PTPRD: variants seen among roughly 807,000 people sequenced by gnomAD.
The protein encoded by PTPRD is receptor-type tyrosine-protein phosphatase delta.
In PTPRD, 34 loss-of-function variants were observed where a neutral mutation model predicts 214.5. That is an observed-to-expected ratio of 0.16 (90% CI 0.12 to 0.21). The LOEUF (loss-of-function observed/expected upper bound fraction) is 0.21, where lower values mean the gene tolerates loss of function less well. Ranked by LOEUF, PTPRD falls within the 10% of genes least tolerant of loss-of-function variation. The pLI is 1.00. For synonymous variants in PTPRD, 1,128 were observed against 845.7 expected (o/e 1.33, Z -5.79); for missense variants, 2,545 against 2,398.7 (o/e 1.06, Z -1.27).
At chr9:10,252,666 T>C (rs2154370213) in intron 3 of PTPRD, among the ~76,000 whole-genome samples, 1 of 152,308 alleles carries the variant, frequency 6.6e-6, no homozygotes, top group East Asian at 1.9e-4. Context: ...TAGCGATAGA[T>C]AAATTAGCAT....
intron 8 of PTPRD, among the ~76,000 whole-genome samples, chr9:9,528,331 A>T (rs928832008): frequency 1.4e-4 from 22 of 152,310 alleles, no homozygotes; most frequent in South Asian, 2.1e-4. Context: ...TCATGTTTCT[A>T]CCTGTGACAG....
intron 5 of PTPRD, among the ~76,000 whole-genome samples, chr9:9,851,376 G>C (rs142214224): frequency 2.3e-4 from 35 of 152,274 alleles, no homozygotes; most frequent in Middle Eastern, 3.4e-3. Context: ...TGTTATATCT[G>C]TTCCATTGAG....
chr9:9,616,010 A>T (rs1231220001), intron 7 of PTPRD, among the ~76,000 whole-genome samples: 1 of 152,178 alleles, frequency 6.6e-6, no homozygotes, highest in African/African-American at 2.4e-5. Flanking sequence ...AAGGTTTATT[A>T]TCCAAATAGA....
chr9:8,748,117 C>G (rs1293250089), intron 11 of PTPRD, among the ~76,000 whole-genome samples: 6 of 152,144 alleles, frequency 3.9e-5, no homozygotes, highest in African/African-American at 1.4e-4. Context: ...TACTATGCCC[C>G]AATTCAGCAG....
intron 2 of PTPRD, among the ~76,000 whole-genome samples, chr9:10,376,195 A>T (rs1004504101): frequency 3.3e-5 from 5 of 151,926 alleles, no homozygotes; most frequent in Admixed American, 6.6e-5. Context: ...AGCCAAAATG[A>T]ATGAAGTCAT....
At chr9:10,250,572 T>C (rs1238339983) in intron 3 of PTPRD, among the ~76,000 whole-genome samples, 1 of 152,146 alleles carries the variant, frequency 6.6e-6, no homozygotes, top group Non-Finnish European at 1.5e-5. Context: ...TAATCTCAGA[T>C]TTAAAATCCT....
intron 39 of PTPRD, among the ~76,000 whole-genome samples, chr9:8,364,281 A>G (rs1283606434): frequency 1.3e-5 from 2 of 152,274 alleles, no homozygotes; most frequent in Non-Finnish European, 2.9e-5. Context: ...GCAGAGTCTT[A>G]TATAAGCGTG....
intron 5 of PTPRD, among the ~76,000 whole-genome samples, chr9:9,854,637 G>A (rs2061197377): frequency 6.6e-6 from 1 of 151,666 alleles, no homozygotes; most frequent in South Asian, 2.1e-4. Context: ...AAGAAATGAT[G>A]CCCACCATAT....
chr9:9,493,782 C>T (rs189698884), intron 8 of PTPRD, among the ~76,000 whole-genome samples: 1,631 of 108,930 alleles, frequency 0.015, 40 homozygotes, highest in African/African-American at 0.056. Flanking sequence ...AGCAAGACTC[C>T]GTCTCAAAAA....
chr9:9,986,286 A>C (rs1588197773), intron 4 of PTPRD, among the ~76,000 whole-genome samples: 1 of 152,118 alleles, frequency 6.6e-6, no homozygotes, highest in Non-Finnish European at 1.5e-5. Flanking sequence ...AAAGGTGTAA[A>C]CATCACTTTT....
At chr9:9,583,260 G>A (rs955411815) in intron 7 of PTPRD, among the ~76,000 whole-genome samples, 1 of 151,946 alleles carries the variant, frequency 6.6e-6, no homozygotes, top group Non-Finnish European at 1.5e-5. Context: ...TTTAGCAAGT[G>A]GGAATTTATG....
chr9:9,481,397 A>C (rs2095408638), intron 8 of PTPRD, among the ~76,000 whole-genome samples: 1 of 152,110 alleles, frequency 6.6e-6, no homozygotes, highest in Non-Finnish European at 1.5e-5. Flanking sequence ...CATTACAGGG[A>C]AATTTTGAAG....
At chr9:9,672,975 G>C (rs772095843) in intron 7 of PTPRD, among the ~76,000 whole-genome samples, 5 of 151,944 alleles carry the variant, frequency 3.3e-5, no homozygotes, top group Admixed American at 6.6e-5. Flanking sequence ...TTAACTAAGA[G>C]ACAGACACAT....
intron 35 of PTPRD, among the ~76,000 whole-genome samples, chr9:8,417,473 T>G (rs1241051251): frequency 6.6e-6 from 1 of 152,194 alleles, no homozygotes; most frequent in African/African-American, 2.4e-5. Flanking sequence ...AAAACAAGTC[T>G]ACACTAACAG....
chr9:9,081,297 G>T (rs1390977074), intron 10 of PTPRD, among the ~76,000 whole-genome samples: 1 of 152,102 alleles, frequency 6.6e-6, no homozygotes, highest in Non-Finnish European at 1.5e-5. Context: ...CCATGTAGTT[G>T]TTCGATTTTG....
At chr9:10,187,635 A>G (rs2099344010) in intron 3 of PTPRD, among the ~76,000 whole-genome samples, 1 of 152,198 alleles carries the variant, frequency 6.6e-6, no homozygotes. Context: ...TCCAATACTG[A>G]AACTTTTCTC....
intron 4 of PTPRD, among the ~76,000 whole-genome samples, chr9:9,941,820 T>C (rs1010109029): frequency 1.3e-5 from 2 of 152,178 alleles, no homozygotes; most frequent in African/African-American, 4.8e-5. Flanking sequence ...GGAAAATTCA[T>C]GTCATTCATT....
At chr9:10,358,360 T>A (rs928949651) in intron 2 of PTPRD, among the ~76,000 whole-genome samples, 1 of 152,000 alleles carries the variant, frequency 6.6e-6, no homozygotes, top group Admixed American at 6.5e-5. Flanking sequence ...AGCAAATAAA[T>A]AATGTGTAAG....
At chr9:9,864,075 T>A (rs146589000) in intron 5 of PTPRD, among the ~76,000 whole-genome samples, 1 of 152,052 alleles carries the variant, frequency 6.6e-6, no homozygotes, top group African/African-American at 2.4e-5. Flanking sequence ...GAGGCCGAAG[T>A]GGGTGGAACA....
Sources: allele counts gnomAD v4.1 joint callset (sites outside exome capture counted in the v4.1 genomes callset), GRCh38; gene constraint gnomAD v4.1.1; transcripts MANE v1.5; gene names NCBI Gene and HGNC (gene_info 2026-07-23, HGNC 2026-07-21).